Variants in SLC16A12 observed in about 807,000 individuals in gnomAD.
SLC16A12 encodes the protein monocarboxylate transporter 12.
Under a neutral mutation model 42.4 loss-of-function variants are expected in SLC16A12, and 17 were observed. That is an observed-to-expected ratio of 0.40 (90% confidence interval 0.27 to 0.60). SLC16A12 has a LOEUF of 0.60. SLC16A12 is among the 20% of genes least tolerant of loss of function. SLC16A12 has a pLI of 0.42. For synonymous variants in SLC16A12, 224 were observed against 229.4 expected, an observed-to-expected ratio of 0.98 and a Z score of 0.21; for missense variants, 544 against 623.0, an observed-to-expected ratio of 0.87 and a Z score of 1.35.
At chr10:89,436,858 GAAAT>G (rs775500626) in intron 6 of SLC16A12, among the ~76,000 whole-genome samples, 12 of 107,136 alleles carry the variant, frequency 1.1e-4, no homozygotes, top group African/African-American at 2.7e-4. Flanking sequence ...AGAAAAGAAA[GAAAT>G]AAAGAAAAAG....
At chr10:89,465,178 T>C (rs554476629) in intron 2 of SLC16A12, among the ~76,000 whole-genome samples, 3 of 152,326 alleles carry the variant, frequency 2.0e-5, no homozygotes, top group African/African-American at 7.2e-5. Flanking sequence ...CCTTACAAGA[T>C]TAAAGATACC....
At chr10:89,492,432 A>C (rs1240401974) in intron 2 of SLC16A12, among the ~76,000 whole-genome samples, 3 of 152,176 alleles carry the variant, frequency 2.0e-5, no homozygotes, top group Admixed American at 2.0e-4. Flanking sequence ...CTTGTAAAAA[A>C]AAAATAGCTA....
At chr10:89,469,070 A>C (rs999532689) in intron 2 of SLC16A12, among the ~76,000 whole-genome samples, 1 of 152,214 alleles carries the variant, frequency 6.6e-6, no homozygotes, top group Non-Finnish European at 1.5e-5. Flanking sequence ...CAGAGGTTGC[A>C]GTGAGCTGAG....
intron 3 of SLC16A12, among the ~76,000 whole-genome samples, chr10:89,449,979 C>T (rs1842066257): frequency 6.6e-6 from 1 of 152,172 alleles, no homozygotes; most frequent in Admixed American, 6.5e-5. Context: ...CAAAAGAAAA[C>T]ATTTATGCAG....
At chr10:89,487,228 C>T (rs140582110) in intron 2 of SLC16A12, among the ~76,000 whole-genome samples, 40 of 152,102 alleles carry the variant, frequency 2.6e-4, no homozygotes, top group African/African-American at 8.4e-4. Flanking sequence ...AAGGAAATGC[C>T]CAGAATGGTG....
At chr10:89,489,565 C>T (rs887687592) in intron 2 of SLC16A12, among the ~76,000 whole-genome samples, 10 of 152,040 alleles carry the variant, frequency 6.6e-5, no homozygotes, top group South Asian at 2.1e-4. Flanking sequence ...TGGTGTTCAA[C>T]GTCTGTACTC....
At chr10:89,552,045 C>T (rs1039675848) in intron 2 of SLC16A12, among the ~76,000 whole-genome samples, 37 of 152,182 alleles carry the variant, frequency 2.4e-4, no homozygotes, top group Admixed American at 1.1e-3. Flanking sequence ...AAGTGATTCT[C>T]CTGCCTCAGC....
At chr10:89,539,905 C>CTTTCTTTCTT (rs1554834032), upstream of SLC16A12, among the ~76,000 whole-genome samples, 4 of 140,734 alleles carry the variant, frequency 2.8e-5, no homozygotes, top group African/African-American at 1.1e-4. Flanking sequence ...TTCTTTCTTT[C>CTTTCTTTCTT]TTTCTTTTTT....
At chr10:89,439,257 A>C in intron 5 of SLC16A12, 74 bp from the exon 6 acceptor site, 1 of 1,444,150 alleles carries the variant, frequency 6.9e-7, no homozygotes, top group Non-Finnish European at 9.6e-7. Context: ...ACAATGATTT[A>C]TATTAAAGAG....
At chr10:89,493,181 C>A (rs1842871145) in intron 2 of SLC16A12, among the ~76,000 whole-genome samples, 1 of 151,268 alleles carries the variant, frequency 6.6e-6, no homozygotes, top group Admixed American at 6.6e-5. Flanking sequence ...CCTTGAGGTT[C>A]TCTGTTAAGT....
chr10:89,555,328 G>A (rs1386647174), intron 2 of SLC16A12, among the ~76,000 whole-genome samples: 1 of 151,404 alleles, frequency 6.6e-6, no homozygotes, highest in Non-Finnish European at 1.5e-5. Flanking sequence ...TTTGTCTTAT[G>A]TTACCCAATA....
chr10:89,500,633 C>A (rs1842980408), intron 2 of SLC16A12, among the ~76,000 whole-genome samples: 1 of 152,098 alleles, frequency 6.6e-6, no homozygotes, highest in East Asian at 1.9e-4. Flanking sequence ...AATCGGCATA[C>A]AAGGGACATT....
At chr10:89,522,441 A>G (rs1843371847) in intron 2 of SLC16A12, among the ~76,000 whole-genome samples, 1 of 152,118 alleles carries the variant, frequency 6.6e-6, no homozygotes, top group Non-Finnish European at 1.5e-5. Flanking sequence ...TCAAACTACT[A>G]ACCCCCAATT....
At chr10:89,476,889 G>A (rs1159767353) in intron 2 of SLC16A12, among the ~76,000 whole-genome samples, 1 of 152,224 alleles carries the variant, frequency 6.6e-6, no homozygotes, top group Admixed American at 6.5e-5. Flanking sequence ...CCCACAGTCT[G>A]CCCCACATCA....
chr10:89,517,061 A>G (rs1169037854), intron 2 of SLC16A12, among the ~76,000 whole-genome samples: 2 of 152,050 alleles, frequency 1.3e-5, no homozygotes, highest in Non-Finnish European at 2.9e-5. Flanking sequence ...CCATCTCTAC[A>G]AAAAATTTTA....
chr10:89,457,999 C>T (rs1842225199), intron 3 of SLC16A12, among the ~76,000 whole-genome samples: 1 of 152,150 alleles, frequency 6.6e-6, no homozygotes, highest in Non-Finnish European at 1.5e-5. Context: ...AAGATGTTAG[C>T]ATGTGTGGAT....
At chr10:89,497,737 G>GA (rs1309215762) in intron 2 of SLC16A12, among the ~76,000 whole-genome samples, 2 of 104,400 alleles carry the variant, frequency 1.9e-5, no homozygotes, top group African/African-American at 4.1e-5. Context: ...AGATCAGAAA[G>GA]AGGAAAAAAA....
rs532082421 is a variant in SLC16A12 at position 89,446,362 on chromosome 10, G to T, written c.201-2503C>A. ...ATGTTAAGGGCAGTCAGAGAGAAAG[G>T]TCGGGTTACCCACAAAGGGAAGCCC... On this transcript the variant is annotated intron_variant, in intron 3 of 7. Coordinates refer to ENST00000371790, the MANE Select transcript of SLC16A12 (RefSeq NM_213606.4). 2.0e-5 allele frequency among the ~76,000 whole-genome samples: 3 copies of T among 152,278 alleles called. No individual in the cohort carries two copies. In the East Asian group the frequency reaches 5.8e-4, roughly 29 times the overall value.
intron 6 of SLC16A12, 150 bp downstream of exon 6, chr10:89,438,454 C>T: frequency 1.3e-6 from 1 of 787,724 alleles, no homozygotes; most frequent in East Asian, 2.7e-5. Flanking sequence ...AACCTCTGAT[C>T]TAGAAGTACC....
Sources: gnomAD v4.1 joint callset for allele counts (sites outside exome capture counted in the v4.1 genomes callset) on GRCh38, gnomAD v4.1.1 for gene constraint, MANE v1.5 for transcripts, NCBI Gene and HGNC (gene_info 2026-07-23, HGNC 2026-07-21) for gene names.